The following SYT13 variants were observed in gnomAD, a reference collection of about 807,000 sequenced individuals.
SYT13 encodes synaptotagmin-13.
A neutral mutation model predicts 38.6 loss-of-function variants in SYT13; 21 were observed. That is an observed-to-expected ratio of 0.54 (90% confidence interval 0.39 to 0.78). SYT13 has a LOEUF of 0.78. SYT13 is among the 30% of genes least tolerant of loss of function. The pLI, the probability that SYT13 is intolerant of heterozygous loss-of-function variation, is 0.00. For synonymous variants in SYT13, 241 were observed against 237.6 expected, an observed-to-expected ratio of 1.01 and a Z score of -0.13; for missense variants, 495 against 548.7, an observed-to-expected ratio of 0.90 and a Z score of 0.98.
intron 1 of SYT13, among the ~76,000 whole-genome samples, chr11:45,261,388 G>A (rs185770915): frequency 4.6e-5 from 7 of 151,418 alleles, no homozygotes; most frequent in Non-Finnish European, 8.8e-5. Flanking sequence ...TCAGGAGATC[G>A]AGACCATCCT....
In SYT13 at chr11:45,252,119, G is replaced by A. The variant is rs1311867997; in HGVS notation, c.846+302C>T. Among the ~76,000 whole-genome samples the A allele has an allele frequency of 6.6e-6, 1 of 152,206 alleles. No individual in the cohort carries two copies. The highest frequency in any genetic ancestry group is 2.4e-5 in the African/African-American group (1 of 41,450). On this transcript the variant is annotated intron_variant, in intron 4 of 5. Transcript: ENST00000020926. The surrounding 1 kb of genome is among the most constrained non-coding windows in gnomAD (Gnocchi z 4.3). ...CAGAGTATAACTGGATTGAAATGGGGACAGTACTTCATAGCAGTAAAGGTA... is the reference window on the plus strand; with the variant it reads ...CAGAGTATAACTGGATTGAAATGGGAACAGTACTTCATAGCAGTAAAGGTA...
intron 1 of SYT13, among the ~76,000 whole-genome samples, chr11:45,261,371 C>T (rs955460165): frequency 1.3e-5 from 2 of 151,202 alleles, no homozygotes; most frequent in Non-Finnish European, 3.0e-5. Context: ...GCGGGTAGAT[C>T]ACTAGGTCAG....
At chr11:45,265,187 C>G (rs1199001069) in intron 1 of SYT13, among the ~76,000 whole-genome samples, 2 of 152,210 alleles carry the variant, frequency 1.3e-5, no homozygotes, top group African/African-American at 4.8e-5. Context: ...CAGGTACACT[C>G]AACAATAGAG....
At chr11:45,246,581 C>A in intron 4 of SYT13, 69 bp from the exon 5 acceptor site, 1 of 1,567,582 alleles carries the variant, frequency 6.4e-7, no homozygotes, top group Admixed American at 1.8e-5. Context: ...TCAACAAATG[C>A]TGAAGCTGGA....
chr11:45,257,977 C>G (rs1854768776), intron 1 of SYT13, among the ~76,000 whole-genome samples: 1 of 152,234 alleles, frequency 6.6e-6, no homozygotes, highest in Non-Finnish European at 1.5e-5. Context: ...CAGTTCTTCT[C>G]TCAGAAACAC....
intron 1 of SYT13, among the ~76,000 whole-genome samples, chr11:45,266,503 T>TACACACACACACACACACAC (rs68112111): frequency 2.4e-4 from 35 of 147,388 alleles, no homozygotes; most frequent in African/African-American, 8.2e-4. Context: ...CCCTCTCAAA[T>TACACACACACACACACACAC]ACACACACAC....
intron 1 of SYT13, among the ~76,000 whole-genome samples, chr11:45,278,151 C>T (rs888218634): frequency 2.0e-5 from 3 of 152,198 alleles, no homozygotes; most frequent in Non-Finnish European, 4.4e-5. Flanking sequence ...GATTCTGATA[C>T]ATACGTATAG....
intron 1 of SYT13, chr11:45,269,357 C>A: frequency 4.4e-6 from 4 of 908,118 alleles, no homozygotes; most frequent in Admixed American, 5.0e-5. Flanking sequence ...AACAAACAAA[C>A]AAACAAAAAA....
intron 1 of SYT13, among the ~76,000 whole-genome samples, chr11:45,269,020 CTG>C (rs1019757338): frequency 1.1e-4 from 16 of 152,104 alleles, no homozygotes; most frequent in African/African-American, 3.9e-4. Flanking sequence ...CAGGCAGAGT[CTG>C]TAGAAGCAAA....
intron 1 of SYT13, among the ~76,000 whole-genome samples, chr11:45,275,658 T>C (rs1304506430): frequency 2.0e-5 from 3 of 152,332 alleles, no homozygotes; most frequent in East Asian, 1.9e-4. Context: ...TTGGGACTTA[T>C]TGAACTCCTC....
chr11:45,264,795 A>C (rs1323824531), intron 1 of SYT13, among the ~76,000 whole-genome samples: 1 of 152,198 alleles, frequency 6.6e-6, no homozygotes, highest in East Asian at 1.9e-4. Context: ...AAATGTAGAC[A>C]CCACTACACA....
chr11:45,280,715 A>T (rs1855061358), intron 1 of SYT13, among the ~76,000 whole-genome samples: 1 of 152,196 alleles, frequency 6.6e-6, no homozygotes, highest in South Asian at 2.1e-4. Context: ...GTGTCAGTGG[A>T]GCCCTAACAG....
chr11:45,254,172 G>T, intron 3 of SYT13, 98 bp downstream of exon 3: 1 of 1,395,012 alleles, frequency 7.2e-7, no homozygotes. Context: ...TCCTAATCCA[G>T]TGCTCTCTCC....
chr11:45,263,609 C>A (rs1854846286), intron 1 of SYT13, among the ~76,000 whole-genome samples: 1 of 152,216 alleles, frequency 6.6e-6, no homozygotes, highest in Non-Finnish European at 1.5e-5. Flanking sequence ...ACTGCTGCTG[C>A]TGGGGTCTAT....
intron 1 of SYT13, among the ~76,000 whole-genome samples, chr11:45,257,837 C>T (rs1022350510): frequency 1.3e-5 from 2 of 151,972 alleles, no homozygotes; most frequent in East Asian, 1.9e-4. Context: ...GCCGGACTCT[C>T]GGGGACCTCT....
chr11:45,252,214 G>C lies in SYT13; in HGVS notation c.846+207C>G, dbSNP rs1481143295. On this transcript the variant is annotated intron_variant, in intron 4 of 5. Transcript: ENST00000020926. The surrounding 1 kb of genome is among the most constrained non-coding windows in gnomAD (Gnocchi z 4.3). ...GCATGGCAAGTTAGAGCCAAGACTA[G>C]GAGCAGACACTAGGAATCCCAGATC... Among the ~76,000 whole-genome samples the C allele has an allele frequency of 1.3e-5, 2 of 152,154 alleles. No homozygotes were observed. The highest frequency in any genetic ancestry group is 2.9e-5 in the Non-Finnish European group (2 of 68,040).
rs913451056 is a variant in SYT13 at position 45,242,746 on chromosome 11, C to T, written c.*1306G>A. On this transcript the variant is annotated 3_prime_UTR_variant, in exon 6 of 6. Transcript: ENST00000020926. ...TCTTACACAGCTGGCCAAACAGGTG[C>T]TGAAGGGCAATGTCAACAACAGAAC... 2.6e-5 allele frequency: 4 copies of T among 152,000 alleles called. No individual in the cohort carries two copies. Among genetic ancestry groups the T allele is most frequent in the Admixed American group, 2.6e-4 (4 of 15,240 alleles). The allele number at this position is 152,000 out of a possible 1,614,324, so 9.4% of individuals were successfully genotyped here.
rs376328514 is a variant in SYT13, at chr11:45,286,273, C to T, written c.-66G>A. On this transcript the variant is annotated 5_prime_UTR_variant, in exon 1 of 6. Transcript: ENST00000020926. The stretch of plus-strand genomic sequence containing the variant: ...CACCTTCCCCGGGCCGGGCCCGCCT[C>T]CAGGCAGCTCCCGGGATCCGGGCGA... 6.9e-7 allele frequency: 1 copy of T among 1,447,818 alleles called. No individual in the cohort carries two copies. The highest frequency in any genetic ancestry group is 9.1e-7 in the Non-Finnish European group (1 of 1,103,464). 89.7% of individuals were successfully genotyped at this position (1,447,818 alleles called of 1,614,324 possible). A position where few individuals can be genotyped will look rare whatever the true frequency, so the allele number is the denominator to read the frequency against.
intron 1 of SYT13, among the ~76,000 whole-genome samples, chr11:45,283,872 C>T (rs1173028521): frequency 1.3e-5 from 2 of 152,164 alleles, no homozygotes; most frequent in African/African-American, 4.8e-5. Context: ...TGAGAGGGTG[C>T]TGGGAATAAA....
Sources: allele counts gnomAD v4.1 joint callset (sites outside exome capture counted in the v4.1 genomes callset), GRCh38; gene constraint gnomAD v4.1.1; non-coding constraint Gnocchi (gnomAD v3.1); transcripts MANE v1.5; gene names NCBI Gene and HGNC (gene_info 2026-07-23, HGNC 2026-07-21).